ZKSCAN1: variants seen among roughly 807,000 people sequenced by gnomAD.
ZKSCAN1 encodes zinc finger with KRAB and SCAN domains 1, also known as zinc finger protein with KRAB and SCAN domains 1.
ZKSCAN1 carries 14 observed loss-of-function variants against 51.6 expected under a neutral mutation model. The ratio of observed to expected loss-of-function variants is 0.27; its 90% CI spans 0.18 to 0.42. The LOEUF (loss-of-function observed/expected upper bound fraction) is 0.42, where lower values mean the gene tolerates loss of function less well. Ranked by LOEUF, ZKSCAN1 falls within the 10% of genes least tolerant of loss-of-function variation. ZKSCAN1 has a pLI of 1.00. For synonymous variants in ZKSCAN1, 263 were observed against 261.5 expected (o/e 1.01, Z -0.06); for missense variants, 531 against 710.0 (o/e 0.75, Z 2.86).
chr7:100,043,867 C>T (rs34065606), downstream of ZKSCAN1, among the ~76,000 whole-genome samples: 1 of 145,766 alleles, frequency 6.9e-6, no homozygotes, highest in African/African-American at 2.5e-5. Flanking sequence ...ACCTCCACCC[C>T]CTGGGTTCAA....
intron 1 of ZKSCAN1, chr7:100,019,137 C>T (rs1243275399): frequency 1.3e-5 from 2 of 152,160 alleles, no homozygotes; most frequent in African/African-American, 4.8e-5. Flanking sequence ...CCTCCCTTTC[C>T]CAGGAAGGGC....
intron 4 of ZKSCAN1, 32 bp downstream of exon 4, chr7:100,029,984 C>G: frequency 6.2e-7 from 1 of 1,607,580 alleles, no homozygotes; most frequent in Non-Finnish European, 8.5e-7. Flanking sequence ...CTCCTGAGTC[C>G]TCAGTGTCTG....
intron 5 of ZKSCAN1, among the ~76,000 whole-genome samples, chr7:100,032,987 A>G (rs1295198721): frequency 2.0e-5 from 3 of 147,864 alleles, no homozygotes; most frequent in Non-Finnish European, 3.0e-5. Context: ...CAGCCTGGGT[A>G]ACAGAGCAAG....
At position 100,040,337 on chromosome 7, in the gene ZKSCAN1, A is replaced by C. The variant is rs1791542788; in HGVS notation, c.*6140A>C. 11 of 985,316 alleles carry C rather than the reference A, an allele frequency of 1.1e-5. No homozygotes were observed. The highest frequency in any genetic ancestry group is 1.3e-5 in the Non-Finnish European group (11 of 829,938). The allele number at this position is 985,316 out of a possible 1,614,324, so 61.0% of individuals were successfully genotyped here. ...TAAATCATGGTCTCTGACAATTTGA[A>C]TCTGAGATTCTCACCTCCATTTACT... On this transcript the variant is annotated 3_prime_UTR_variant, in exon 6 of 6. Coordinates refer to ENST00000324306, the MANE Select transcript of ZKSCAN1 (RefSeq NM_003439.4).
In ZKSCAN1 at chr7:100,035,863, T is replaced by G; in HGVS notation, c.*1666T>G. The G allele has an allele frequency of 1.0e-6, 1 of 985,364 alleles. No homozygotes were observed. The highest frequency in any genetic ancestry group is 1.2e-6 in the Non-Finnish European group (1 of 829,930). The allele number at this position is 985,364 out of a possible 1,614,324, so 61.0% of individuals were successfully genotyped here. On this transcript the variant is annotated 3_prime_UTR_variant, in exon 6 of 6. Coordinates refer to ENST00000324306, the MANE Select transcript of ZKSCAN1 (RefSeq NM_003439.4). ...TTCACACACAGGAGATTGTGAGCTG[T>G]GTAAGTAGTCATCGCCACTCAAGTA...
chr7:100,025,913 C>T (rs1013111428), intron 3 of ZKSCAN1, among the ~76,000 whole-genome samples: 1 of 151,986 alleles, frequency 6.6e-6, no homozygotes, highest in East Asian at 1.9e-4. Flanking sequence ...TGTTAAAACC[C>T]GGTCTCTACT....
At position 100,033,915 on chromosome 7, in the gene ZKSCAN1, C is replaced by G. The variant is rs1224233696; in HGVS notation, c.1410C>G (p.Phe470Leu). ...AATGTAATGAGTGCGGGAAGGCCTTCAGCCAGAGCTCGGACCTCACCAAGC... is the reference window on the plus strand; with the variant it reads ...AATGTAATGAGTGCGGGAAGGCCTTGAGCCAGAGCTCGGACCTCACCAAGC... ...PYECNECGKA[F>L]SQSSDLTKHQ... Residue 470 changes from phenylalanine (F) to leucine (L), a missense_variant, in exon 6 of 6, where the codon TTC becomes TTG. Around this residue, in one of 2 missense-constraint regions of ZKSCAN1, gnomAD observed 128 missense variants for 219.5 expected, o/e 0.58. Coordinates refer to ENST00000324306, the MANE Select transcript of ZKSCAN1 (RefSeq NM_003439.4). The surrounding 1 kb of genome is among the most constrained non-coding windows in gnomAD (Gnocchi z 4.1). The G allele has an allele frequency of 6.2e-7, 1 of 1,614,206 alleles. No homozygotes were observed.
Position 100,035,840 on chromosome 7 carries a change from C to T in ZKSCAN1, c.*1643C>T. On this transcript the variant is annotated 3_prime_UTR_variant, in exon 6 of 6. Transcript: ENST00000324306. The stretch of plus-strand genomic sequence containing the variant: ...AGAAGCTGATGGCAGGAGACTGTTT[C>T]ACACACAGGAGATTGTGAGCTGTGT... 1.0e-6 allele frequency: 1 copy of T among 985,386 alleles called. No homozygotes were observed. Among genetic ancestry groups the T allele is most frequent in the Non-Finnish European group, 1.2e-6 (1 of 829,934 alleles). 61.0% of individuals were successfully genotyped at this position (985,386 alleles called of 1,614,324 possible). A position where few individuals can be genotyped will look rare whatever the true frequency, so the allele number is the denominator to read the frequency against.
At chr7:100,020,469 G>T (rs1790544957) in intron 1 of ZKSCAN1, among the ~76,000 whole-genome samples, 1 of 151,906 alleles carries the variant, frequency 6.6e-6, no homozygotes, top group Non-Finnish European at 1.5e-5. Context: ...GAAAATGAAG[G>T]CAGGGAACCA....
Position 100,030,228 on chromosome 7 carries a change from GTT to G in ZKSCAN1, c.673-19_673-18del. 6.2e-7 allele frequency: 1 copy of G among 1,610,508 alleles called. No homozygotes were observed. Among genetic ancestry groups the G allele is most frequent in the Non-Finnish European group, 8.5e-7 (1 of 1,177,496 alleles). ...TCCCTGAGTTTGGGGGGAAATGACT[GTT>G]TGTCTCGTGTTATTTTAGGCAATGG... On this transcript the variant is annotated intron_variant, in intron 4 of 5. Coordinates refer to ENST00000324306, the MANE Select transcript of ZKSCAN1 (RefSeq NM_003439.4).
Position 100,037,588 on chromosome 7 carries a change from A to C in ZKSCAN1, c.*3391A>C, listed in dbSNP as rs891295771. 2.9e-5 allele frequency: 29 copies of C among 985,364 alleles called. No homozygotes were observed. In the African/African-American group the frequency reaches 4.5e-4, roughly 15 times the overall value. The allele number at this position is 985,364 out of a possible 1,614,324, so 61.0% of individuals were successfully genotyped here. On this transcript the variant is annotated 3_prime_UTR_variant, in exon 6 of 6. Transcript: ENST00000324306. ...CACATCTCAGCCCTTAGCATCGGAA[A>C]GCTTATACTGTAAATAAACTTGATG...
chr7:100,028,861 T>C (rs1033935352), intron 3 of ZKSCAN1, among the ~76,000 whole-genome samples: 5 of 150,364 alleles, frequency 3.3e-5, no homozygotes, highest in Non-Finnish European at 7.4e-5. Context: ...GGACAAAAAC[T>C]GGCAAAAACT....
chr7:100,019,723 A>G (rs1233551125), intron 1 of ZKSCAN1, among the ~76,000 whole-genome samples: 1 of 151,014 alleles, frequency 6.6e-6, no homozygotes, highest in Non-Finnish European at 1.5e-5. Context: ...TTTTTTTGAG[A>G]TGGAGTCTCA....
intron 3 of ZKSCAN1, among the ~76,000 whole-genome samples, chr7:100,025,726 T>A (rs1333648847): frequency 1.3e-5 from 2 of 152,206 alleles, no homozygotes; most frequent in African/African-American, 4.8e-5. Context: ...CTAAACACTG[T>A]AGGGAATTGT....
chr7:100,022,346 C>T (rs755957987), intron 1 of ZKSCAN1, among the ~76,000 whole-genome samples: 1 of 152,270 alleles, frequency 6.6e-6, no homozygotes, highest in Non-Finnish European at 1.5e-5. Context: ...AGCCACTGCG[C>T]CCAGCCAAAG....
In ZKSCAN1 at chr7:100,038,310, G is replaced by C. The variant is rs1791450190; in HGVS notation, c.*4113G>C. 1 of 985,444 alleles carries C rather than the reference G, an allele frequency of 1.0e-6. No individual in the cohort carries two copies. Among genetic ancestry groups the C allele is most frequent in the African/African-American group, 1.7e-5 (1 of 57,352 alleles). The allele number at this position is 985,444 out of a possible 1,614,324, so 61.0% of individuals were successfully genotyped here. ...AAAAAGTGAAGTTTCAGAGCAAACA[G>C]TGAAGAAATCAGTGTGATTGTAGAC... On this transcript the variant is annotated 3_prime_UTR_variant, in exon 6 of 6. Coordinates refer to ENST00000324306, the MANE Select transcript of ZKSCAN1 (RefSeq NM_003439.4).
In ZKSCAN1 at chr7:100,036,874, C is replaced by G; in HGVS notation, c.*2677C>G. On this transcript the variant is annotated 3_prime_UTR_variant, in exon 6 of 6. Coordinates refer to ENST00000324306, the MANE Select transcript of ZKSCAN1 (RefSeq NM_003439.4). Reference sequence around the variant, plus strand: ...CAGCCACAACTATATGCTGATATAACTCAGCCATCACTTTTGAGTTTTGTT... The same window carrying G: ...CAGCCACAACTATATGCTGATATAAGTCAGCCATCACTTTTGAGTTTTGTT... The G allele has an allele frequency of 1.0e-6, 1 of 983,810 alleles. No homozygotes were observed. The highest frequency in any genetic ancestry group is 1.2e-6 in the Non-Finnish European group (1 of 829,608). The allele number at this position is 983,810 out of a possible 1,614,324, so 60.9% of individuals were successfully genotyped here.
At chr7:100,024,389 A>G in intron 3 of ZKSCAN1, 82 bp downstream of exon 3, 1 of 1,530,342 alleles carries the variant, frequency 6.5e-7, no homozygotes, top group South Asian at 1.2e-5. Context: ...GTGATGAAGA[A>G]GCATGTTAGT....
chr7:100,043,185 G>A (rs915499100), downstream of ZKSCAN1, among the ~76,000 whole-genome samples: 1 of 150,546 alleles, frequency 6.6e-6, no homozygotes, highest in Admixed American at 6.6e-5. Flanking sequence ...GCCTGCCTTG[G>A]CCTCACAGGT....
Sources: gnomAD v4.1 joint callset for allele counts (sites outside exome capture counted in the v4.1 genomes callset) on GRCh38, gnomAD v4.1.1 for gene constraint, gnomAD v4.1.1 regional missense constraint, Gnocchi (gnomAD v3.1) non-coding constraint, MANE v1.5 for transcripts, NCBI Gene and HGNC (gene_info 2026-07-23, HGNC 2026-07-21) for gene names.